Variants in GOLGA1 observed in about 807,000 individuals in gnomAD.
GOLGA1 encodes the protein golgin subfamily A member 1.
Under a neutral mutation model 119.7 loss-of-function variants are expected in GOLGA1, and 63 were observed. The observed-to-expected ratio is 0.53, with a 90% CI of 0.43 to 0.65. The LOEUF (loss-of-function observed/expected upper bound fraction) is 0.65. Ranked by LOEUF, GOLGA1 falls within the 30% of genes least tolerant of loss-of-function variation. The pLI, the probability that GOLGA1 is intolerant of heterozygous loss-of-function variation, is 0.00. For missense variants in GOLGA1, 798 were observed against 912.8 expected (o/e 0.87, Z 1.62); for synonymous variants, 318 against 333.4 (o/e 0.95, Z 0.50).
intron 12 of GOLGA1, among the ~76,000 whole-genome samples, chr9:124,905,938 C>T (rs1336427399): frequency 6.6e-6 from 1 of 151,052 alleles, no homozygotes; most frequent in Admixed American, 6.6e-5. Flanking sequence ...CATGACAAAA[C>T]CCCGTCTCTG....
At chr9:124,906,446 T>C (rs1162071681) in intron 12 of GOLGA1, among the ~76,000 whole-genome samples, 5 of 128,316 alleles carry the variant, frequency 3.9e-5, no homozygotes, top group African/African-American at 1.5e-4. Context: ...AAAAGAAAGA[T>C]TAAAAATAAG....
chr9:124,901,621 C>G (rs1830107663), intron 12 of GOLGA1, among the ~76,000 whole-genome samples: 1 of 151,798 alleles, frequency 6.6e-6, no homozygotes, highest in Non-Finnish European at 1.5e-5. Context: ...ATTTTTAGTA[C>G]AGACAGGGTT....
intron 1 of GOLGA1, chr9:124,947,127 G>A (rs1831157122): frequency 1.3e-5 from 2 of 151,924 alleles, no homozygotes; most frequent in African/African-American, 4.8e-5. Flanking sequence ...ATGACAACTG[G>A]GAATATATTT....
rs1188008514 is a variant in GOLGA1, at chr9:124,880,135, A to C, written c.*395T>G. ...AGGTGGGTTTGGCCTGCTGGGCACCATCTCAAAGGGCCGTCTCTACCTCCA... is the reference window on the plus strand; with the variant it reads ...AGGTGGGTTTGGCCTGCTGGGCACCCTCTCAAAGGGCCGTCTCTACCTCCA... On this transcript the variant is annotated 3_prime_UTR_variant, in exon 23 of 23. Coordinates refer to ENST00000373555, the MANE Select transcript of GOLGA1 (RefSeq NM_002077.4). 2 of 160,998 alleles carry C rather than the reference A, an allele frequency of 1.2e-5. No individual in the cohort carries two copies. The highest frequency in any genetic ancestry group is 2.4e-5 in the African/African-American group (1 of 41,708). The allele number at this position is 160,998 out of a possible 1,614,324, so 10.0% of individuals were successfully genotyped here. A position where few individuals can be genotyped will look rare whatever the true frequency, so the allele number is the denominator to read the frequency against.
chr9:124,884,169 G>A (rs1350717541), intron 19 of GOLGA1, among the ~76,000 whole-genome samples: 1 of 151,818 alleles, frequency 6.6e-6, no homozygotes, highest in African/African-American at 2.4e-5. Context: ...GTGCCACCAC[G>A]CCCAGCTAAT....
intron 7 of GOLGA1, among the ~76,000 whole-genome samples, chr9:124,925,232 T>C (rs547742233): frequency 6.6e-6 from 1 of 152,190 alleles, no homozygotes; most frequent in South Asian, 2.1e-4. Flanking sequence ...TTTTAAAAGA[T>C]AAAAAAACAG....
chr9:124,928,119 T>C, intron 6 of GOLGA1, 69 bp downstream of exon 6: 2 of 684,950 alleles, frequency 2.9e-6, no homozygotes, highest in Admixed American at 5.4e-5. Flanking sequence ...GGTTATGTCA[T>C]GATTTTTGAA....
intron 6 of GOLGA1, 114 bp from the exon 7 acceptor site, chr9:124,926,855 C>T (rs1186123185): frequency 4.0e-5 from 23 of 579,176 alleles, no homozygotes; most frequent in Non-Finnish European, 6.8e-5. Context: ...CCAAACAAAA[C>T]AAAAAAGCCA....
chr9:124,899,592 C>T (rs1173925844), intron 13 of GOLGA1, 114 bp from the exon 14 acceptor site: 2 of 1,067,832 alleles, frequency 1.9e-6, no homozygotes, highest in Non-Finnish European at 2.7e-6. Flanking sequence ...CTCTCCTGAC[C>T]CCATCCCCCC....
At chr9:124,913,941 G>T (rs1830388061) in intron 10 of GOLGA1, among the ~76,000 whole-genome samples, 1 of 152,206 alleles carries the variant, frequency 6.6e-6, no homozygotes, top group African/African-American at 2.4e-5. Flanking sequence ...GACAAGTCCT[G>T]CAAGGCTAGA....
In GOLGA1 at chr9:124,881,114, G is replaced by T; in HGVS notation, c.2223+57C>A. The T allele has an allele frequency of 1.1e-6, 1 of 934,456 alleles. No homozygotes were observed. The highest frequency in any genetic ancestry group is 1.8e-6 in the Non-Finnish European group (1 of 558,264). 57.9% of individuals were successfully genotyped at this position (934,456 alleles called of 1,614,324 possible). The stretch of plus-strand genomic sequence containing the variant: ...GTCTAAGGGGTCTTACACTGCTACT[G>T]CTGGGATAACTGACAACGTATCTTG... On this transcript the variant is annotated intron_variant, in intron 22 of 22. Coordinates refer to ENST00000373555, the MANE Select transcript of GOLGA1 (RefSeq NM_002077.4). This position sits in a 1 kb window ranked among gnomAD's most constrained non-coding sequence, Gnocchi z 4.9.
At chr9:124,932,831 T>G (rs1830795314) in intron 3 of GOLGA1, among the ~76,000 whole-genome samples, 1 of 152,194 alleles carries the variant, frequency 6.6e-6, no homozygotes, top group African/African-American at 2.4e-5. Flanking sequence ...CTTCTAGCTG[T>G]GCCCTCACAT....
chr9:124,887,519 T>C (rs1588057106), intron 19 of GOLGA1: 2 of 152,270 alleles, frequency 1.3e-5, no homozygotes, highest in East Asian at 1.9e-4. Flanking sequence ...ATAGACCTCA[T>C]TGGCTACGAT....
chr9:124,937,981 G>A (rs1483816946), intron 3 of GOLGA1, among the ~76,000 whole-genome samples: 4 of 151,648 alleles, frequency 2.6e-5, no homozygotes, highest in Non-Finnish European at 5.9e-5. Flanking sequence ...TACTCGGGAG[G>A]CTGAGGCACG....
chr9:124,897,929 A>G (rs577301159), intron 15 of GOLGA1, among the ~76,000 whole-genome samples: 1 of 152,298 alleles, frequency 6.6e-6, no homozygotes, highest in Admixed American at 6.5e-5. Flanking sequence ...CCATTATCCA[A>G]GGTGCTTTGA....
chr9:124,897,776 G>A (rs1830012701), intron 15 of GOLGA1, among the ~76,000 whole-genome samples: 1 of 152,120 alleles, frequency 6.6e-6, no homozygotes, highest in Admixed American at 6.6e-5. Flanking sequence ...TACTACATTA[G>A]TACCTATGTC....
intron 9 of GOLGA1, among the ~76,000 whole-genome samples, 162 bp downstream of exon 9, chr9:124,921,561 T>G (rs1309285158): frequency 6.6e-6 from 1 of 152,026 alleles, no homozygotes; most frequent in Non-Finnish European, 1.5e-5. Context: ...GGGTTGGAGG[T>G]AGGGTGAGGC....
Position 124,881,563 on chromosome 9 carries a change from T to C in GOLGA1, c.2136+221A>G, listed in dbSNP as rs1031867311. Among the ~76,000 whole-genome samples, 2 of 152,150 alleles carry C rather than the reference T, an allele frequency of 1.3e-5. No homozygotes were observed. Among genetic ancestry groups the C allele is most frequent in the African/African-American group, 4.8e-5 (2 of 41,438 alleles). On this transcript the variant is annotated intron_variant, in intron 21 of 22. Transcript: ENST00000373555. The surrounding 1 kb of genome is among the most constrained non-coding windows in gnomAD (Gnocchi z 4.9). ...CAGCACCCAGGCCAGGATTTAGAAG[T>C]GGAGCCTATGTCTCCCACCAGGAGC...
chr9:124,883,605 G>A (rs535834663), intron 19 of GOLGA1, among the ~76,000 whole-genome samples: 73 of 152,204 alleles, frequency 4.8e-4, no homozygotes, highest in Non-Finnish European at 7.4e-4. Context: ...CCACCACCAC[G>A]CCCGGCTAAT....
Sources: allele counts gnomAD v4.1 joint callset (sites outside exome capture counted in the v4.1 genomes callset), GRCh38; gene constraint gnomAD v4.1.1; non-coding constraint Gnocchi (gnomAD v3.1); transcripts MANE v1.5; gene names NCBI Gene and HGNC (gene_info 2026-07-23, HGNC 2026-07-21).